SYCP2: variants seen among roughly 807,000 people sequenced by gnomAD.
SYCP2 encodes synaptonemal complex lateral element protein.
SYCP2 carries 55 observed loss-of-function variants against 211.3 expected under a neutral mutation model. The observed-to-expected ratio is 0.26, with a 90% CI of 0.21 to 0.33. The LOEUF is 0.33. SYCP2 is among the 10% of genes least tolerant of loss of function. The probability of loss-of-function intolerance (pLI) is 1.00; values close to 1 mark genes in which losing one functional copy is unlikely to be tolerated. For synonymous variants in SYCP2, 570 were observed against 555.2 expected (o/e 1.03, Z -0.37); for missense variants, 1,731 against 1,752.0 (o/e 0.99, Z 0.21).
At chr20:59,865,338 CAA>C (rs774558235) in intron 44 of SYCP2, 48 bp downstream of exon 44, 3 of 1,448,072 alleles carry the variant, frequency 2.1e-6, no homozygotes, top group Non-Finnish European at 2.8e-6. Flanking sequence ...AAATCAAAAA[CAA>C]AAGACATTAA....
In SYCP2 at chr20:59,879,848, TATATATATATATATACAC is replaced by T. The variant is rs1186223880; in HGVS notation, c.2941+437_2941+454del. On this transcript the variant is annotated intron_variant, in intron 31 of 44. Transcript: ENST00000357552. ...ATATATATATATATATATATATATA[TATATATATATATATACAC>T]ACACACACACACAAACATATAAATA... 4.5e-3 allele frequency among the ~76,000 whole-genome samples: 474 copies of T among 104,252 alleles called. 3 individuals carry two copies. Among genetic ancestry groups the T allele is most frequent in the African/African-American group, 0.02 (449 of 22,360 alleles). The allele number at this position is 104,252 out of a possible 152,430, so 68.4% of individuals were successfully genotyped here.
chr20:59,875,462 T>A lies in SYCP2; in HGVS notation c.3158A>T (p.Asn1053Ile), dbSNP rs755858650. ...FKENIPVKEE[N>I]IHSRMKTVKL... is the part of the protein sequence containing the mutation. ...TACCGTTTTCATTCTGGAATGGATA[T>A]TCTCCTCCTAAATGTATCAATAACT... The change falls in exon 34 of 45, where the codon AAT becomes ATT. Residue 1053 changes from asparagine (N) to isoleucine (I), a missense_variant. By Grantham distance (149) the Asn-to-Ile change is moderately radical. Around this residue, in one of 3 missense-constraint regions of SYCP2, gnomAD observed 1,387 missense variants for 1,351.3 expected, o/e 1.03. Transcript: ENST00000357552. 1 of 1,610,366 alleles carries A rather than the reference T, an allele frequency of 6.2e-7. No homozygotes were observed. The highest frequency in any genetic ancestry group is 1.7e-5 in the Admixed American group (1 of 59,752).
chr20:59,914,126 C>A lies in SYCP2; in HGVS notation c.760G>T (p.Asp254Tyr). 2.5e-6 allele frequency: 4 copies of A among 1,602,066 alleles called. No homozygotes were observed. The highest frequency in any genetic ancestry group is 2.6e-6 in the Non-Finnish European group (3 of 1,173,092). ...CAACTTACTGTTTCAAATTCAGAGT[C>A]CTTAATTCTTTTAAATGCCTTAGCA... ...FIAKAFKRIK[D>Y]SEFETDCRIF... The change falls in exon 11 of 45, where the codon GAC becomes TAC. Residue 254 changes from aspartate to tyrosine, a missense_variant. Around this residue, in one of 3 missense-constraint regions of SYCP2, gnomAD observed 335 missense variants for 378.8 expected, o/e 0.88. Transcript: ENST00000357552.
At chr20:59,867,905 T>C in intron 38 of SYCP2, 58 bp from the exon 39 acceptor site, 1 of 1,293,844 alleles carries the variant, frequency 7.7e-7, no homozygotes, top group Non-Finnish European at 1.1e-6. Context: ...AATTTAGCCT[T>C]GTAATTAGGC....
intron 15 of SYCP2, among the ~76,000 whole-genome samples, chr20:59,905,338 G>C (rs80027152): frequency 0.029 from 4,376 of 152,208 alleles, 212 homozygotes; most frequent in African/African-American, 0.098. Flanking sequence ...TTTCATAATA[G>C]CTAAAAACTG....
At chr20:59,865,503 GAC>G in intron 43 of SYCP2, 59 bp from the exon 44 acceptor site, 1 of 1,578,718 alleles carries the variant, frequency 6.3e-7, no homozygotes. Flanking sequence ...TCACAGCAAA[GAC>G]AAAGTTACAT....
intron 24 of SYCP2, among the ~76,000 whole-genome samples, chr20:59,890,874 T>C (rs2059893193): frequency 6.6e-6 from 1 of 151,864 alleles, no homozygotes; most frequent in African/African-American, 2.4e-5. Context: ...AAGAACCTTA[T>C]TTCCCCTGGG....
intron 37 of SYCP2, 121 bp from the exon 38 acceptor site, chr20:59,868,689 A>G (rs1374825809): frequency 1.9e-5 from 24 of 1,283,460 alleles, no homozygotes; most frequent in Non-Finnish European, 2.4e-5. Context: ...TGTTTTAGGT[A>G]ATTATGCATT....
chr20:59,903,992 T>C (rs2060166508), intron 15 of SYCP2, among the ~76,000 whole-genome samples: 1 of 152,168 alleles, frequency 6.6e-6, no homozygotes, highest in Non-Finnish European at 1.5e-5. Flanking sequence ...CTGGCCTTTT[T>C]TTCTCTAAGG....
rs764987043 is a variant in SYCP2 at position 59,900,741 on chromosome 20, T to C, written c.1257+3A>G. ...ATAAAAATCAAGTAAGTCTGAGACA[T>C]ACCTGTGATCCACTTGCGTCAAAAA... is the stretch of plus-strand genomic sequence containing the variant. On this transcript the variant is annotated splice_donor_region_variant and intron_variant, in intron 17 of 44. Transcript: ENST00000357552. The C allele has an allele frequency of 5.6e-6, 9 of 1,611,738 alleles. No homozygotes were observed. The highest frequency in any genetic ancestry group is 4.5e-5 in the East Asian group (2 of 44,806).
intron 28 of SYCP2, 22 bp downstream of exon 28, chr20:59,881,923 G>A (rs780820045): frequency 6.3e-7 from 1 of 1,586,462 alleles, no homozygotes; most frequent in South Asian, 1.1e-5. Context: ...TAAATACAAA[G>A]TATCTTGGTA....
rs1053345641 is a variant in SYCP2, at chr20:59,864,171, T to A, written c.*140A>T. The A allele has an allele frequency of 9.4e-6, 5 of 533,614 alleles. No homozygotes were observed. Among genetic ancestry groups the A allele is most frequent in the Non-Finnish European group, 1.6e-5 (5 of 311,956 alleles). 33.1% of individuals were successfully genotyped at this position (533,614 alleles called of 1,614,324 possible). On this transcript the variant is annotated 3_prime_UTR_variant, in exon 45 of 45. Coordinates refer to ENST00000357552, the MANE Select transcript of SYCP2 (RefSeq NM_014258.4). Reference sequence around the variant, plus strand: ...CCCTCTCATCCATTAAAAGACATTTTTTTTTAATTTGAGGGTTCCTATAAA... The same window carrying A: ...CCCTCTCATCCATTAAAAGACATTTATTTTTAATTTGAGGGTTCCTATAAA...
At chr20:59,903,744 G>A (rs1478401392) in intron 15 of SYCP2, among the ~76,000 whole-genome samples, 2 of 152,044 alleles carry the variant, frequency 1.3e-5, no homozygotes, top group African/African-American at 4.8e-5. Flanking sequence ...AAAAAGGCAA[G>A]GTTAAGGATA....
At chr20:59,900,611 T>G in intron 17 of SYCP2, 133 bp downstream of exon 17, 2 of 636,902 alleles carry the variant, frequency 3.1e-6, no homozygotes, top group Non-Finnish European at 5.4e-6. Context: ...CATATACATT[T>G]TATTGGGGTA....
At chr20:59,922,126 T>C (rs1033903051) in intron 3 of SYCP2, among the ~76,000 whole-genome samples, 3 of 151,688 alleles carry the variant, frequency 2.0e-5, no homozygotes, top group Admixed American at 6.6e-5. Context: ...GCATAAATTA[T>C]GCATGAATCA....
chr20:59,878,659 A>G (rs1450150171), intron 31 of SYCP2, among the ~76,000 whole-genome samples: 1 of 152,142 alleles, frequency 6.6e-6, no homozygotes, highest in African/African-American at 2.4e-5. Context: ...CTTGCTTTAA[A>G]AACAAGTTTT....
intron 18 of SYCP2, among the ~76,000 whole-genome samples, chr20:59,897,793 C>A (rs572222762): frequency 1.5e-3 from 228 of 151,930 alleles, no homozygotes; most frequent in Middle Eastern, 3.4e-3. Flanking sequence ...ACGAAGAAAT[C>A]AAAAAATGGG....
Position 59,885,977 on chromosome 20 carries a change from A to T in SYCP2, c.2493-13T>A. On this transcript the variant is annotated splice_polypyrimidine_tract_variant and intron_variant, in intron 25 of 44. Coordinates refer to ENST00000357552, the MANE Select transcript of SYCP2 (RefSeq NM_014258.4). ...GTTTGAAAAACCACTGTAAAAAAAG[A>T]TTTTGTCAAAATTGAAAAAGCAAAT... is the stretch of plus-strand genomic sequence containing the variant. 6.3e-7 allele frequency: 1 copy of T among 1,596,466 alleles called. No individual in the cohort carries two copies. The highest frequency in any genetic ancestry group is 8.5e-7 in the Non-Finnish European group (1 of 1,171,606).
chr20:59,906,380 G>A (rs1212521097), intron 15 of SYCP2, among the ~76,000 whole-genome samples: 1 of 151,948 alleles, frequency 6.6e-6, no homozygotes, highest in African/African-American at 2.4e-5. Flanking sequence ...ACAGATTGGA[G>A]GACCAAGAAA....
Sources: allele counts gnomAD v4.1 joint callset (sites outside exome capture counted in the v4.1 genomes callset), GRCh38; gene constraint gnomAD v4.1.1; regional missense constraint gnomAD v4.1.1; transcripts MANE v1.5; gene names NCBI Gene and HGNC (gene_info 2026-07-23, HGNC 2026-07-21).